The following SESN1 variants were observed in gnomAD, a reference collection of about 807,000 sequenced individuals.
SESN1 encodes the protein sestrin-1.
In SESN1, 30 loss-of-function variants were observed where a neutral mutation model predicts 59.3. The observed-to-expected ratio is 0.51, with a 90% CI of 0.38 to 0.69. The LOEUF is 0.69. Ranked by LOEUF, SESN1 falls within the 30% of genes least tolerant of loss-of-function variation. The probability of loss-of-function intolerance (pLI) is 0.00; values close to 1 mark genes in which losing one functional copy is unlikely to be tolerated. For synonymous variants in SESN1, 197 were observed against 219.9 expected, an observed-to-expected ratio of 0.90 and a Z score of 0.92; for missense variants, 566 against 673.0, an observed-to-expected ratio of 0.84 and a Z score of 1.76.
chr6:109,056,483 G>A (rs1277095852), intron 1 of SESN1, among the ~76,000 whole-genome samples: 2 of 152,164 alleles, frequency 1.3e-5, no homozygotes, highest in Admixed American at 6.5e-5. Context: ...TCTACGAACA[G>A]GCAATACAGG....
At chr6:109,064,340 C>T (rs942612604) in intron 1 of SESN1, among the ~76,000 whole-genome samples, 3 of 151,612 alleles carry the variant, frequency 2.0e-5, no homozygotes, top group African/African-American at 7.3e-5. Context: ...ACCTAGTCCA[C>T]ATATCAGGCT....
intron 1 of SESN1, among the ~76,000 whole-genome samples, chr6:109,020,644 A>G (rs953158061): frequency 6.6e-6 from 1 of 151,392 alleles, no homozygotes; most frequent in African/African-American, 2.4e-5. Context: ...TGGAGAGAAG[A>G]AGGTTTTCAG....
At chr6:109,024,501 C>T (rs947965448) in intron 1 of SESN1, among the ~76,000 whole-genome samples, 14 of 152,106 alleles carry the variant, frequency 9.2e-5, no homozygotes, top group African/African-American at 1.7e-4. Flanking sequence ...AAACTGACCT[C>T]GATATTAGTG....
intron 1 of SESN1, among the ~76,000 whole-genome samples, chr6:109,055,303 G>C (rs1780610811): frequency 6.6e-6 from 1 of 152,010 alleles, no homozygotes; most frequent in Non-Finnish European, 1.5e-5. Context: ...CTACTTTCTT[G>C]TTTTCAAGTT....
chr6:108,988,370 C>CT, intron 9 of SESN1, 173 bp downstream of exon 9: 1 of 522,368 alleles, frequency 1.9e-6, no homozygotes, highest in East Asian at 3.2e-5. Context: ...TTCTTTTACT[C>CT]TATCAACATA....
intron 1 of SESN1, among the ~76,000 whole-genome samples, chr6:109,060,493 T>G (rs1780713929): frequency 1.3e-5 from 2 of 152,166 alleles, no homozygotes; most frequent in South Asian, 4.1e-4. Context: ...TTCAGTACTG[T>G]GCAGTTTTAT....
intron 3 of SESN1, among the ~76,000 whole-genome samples, chr6:109,000,981 ATAT>A (rs1435805383): frequency 6.6e-6 from 1 of 152,164 alleles, no homozygotes; most frequent in Non-Finnish European, 1.5e-5. Context: ...AAATAATGGA[ATAT>A]TATTTACATC....
At position 108,985,735 on chromosome 6, in the gene SESN1, A is replaced by G. The variant is rs939081230; in HGVS notation, c.*1809T>C. Among the ~76,000 whole-genome samples the G allele has an allele frequency of 6.6e-6, 1 of 152,200 alleles. No homozygotes were observed. Among genetic ancestry groups the G allele is most frequent in the Non-Finnish European group, 1.5e-5 (1 of 68,036 alleles). The stretch of plus-strand genomic sequence containing the variant: ...TCAAGAGGAGGAACAAAGAGCAGAA[A>G]TGGGATAAGTAAAATTTTAACTATC... On this transcript the variant is annotated 3_prime_UTR_variant, in exon 10 of 10. Coordinates refer to ENST00000436639, the MANE Select transcript of SESN1 (RefSeq NM_014454.3).
At position 109,094,027 on chromosome 6, in the gene SESN1, C is replaced by G; in HGVS notation, c.47G>C (p.Arg16Thr). ...NEVRWDGLCSRDSTTRETALE... is the reference protein window; with the variant it reads ...NEVRWDGLCSTDSTTRETALE... ...TGCTGTCTCCCTAGTAGTTGAATCT[C>G]TGCTGCAGAGTCCATCCCATCTCAC... Residue 16 changes from arginine (R) to threonine (T), a missense_variant, in exon 1 of 10, where the codon AGA becomes ACA. Coordinates refer to ENST00000436639, the MANE Select transcript of SESN1 (RefSeq NM_014454.3). The G allele has an allele frequency of 1.2e-6, 2 of 1,614,220 alleles. No individual in the cohort carries two copies.
intron 1 of SESN1, among the ~76,000 whole-genome samples, chr6:109,051,660 G>A (rs2114442510): frequency 6.6e-6 from 1 of 152,240 alleles, no homozygotes; most frequent in East Asian, 1.9e-4. Flanking sequence ...TCATTAATGT[G>A]ACATTGTCTT....
At chr6:109,012,874 GGAGGCC>G (rs903077109) in intron 1 of SESN1, among the ~76,000 whole-genome samples, 1 of 152,122 alleles carries the variant, frequency 6.6e-6, no homozygotes, top group Non-Finnish European at 1.5e-5. Context: ...CAGCACTTTG[GGAGGCC>G]GAGGCAGGGC....
intron 1 of SESN1, among the ~76,000 whole-genome samples, chr6:109,053,882 T>G (rs192342593): frequency 5.6e-4 from 85 of 152,328 alleles, no homozygotes; most frequent in Admixed American, 1.7e-3. Context: ...TGAATACCCT[T>G]TAAGATAAAC....
chr6:109,058,162 G>A (rs1007798269), intron 1 of SESN1, among the ~76,000 whole-genome samples: 5 of 151,928 alleles, frequency 3.3e-5, no homozygotes, highest in African/African-American at 4.8e-5. Context: ...ACGGCTCACC[G>A]CAGCCTTGAC....
intron 1 of SESN1, among the ~76,000 whole-genome samples, chr6:109,056,875 C>T (rs1349774100): frequency 1.3e-5 from 2 of 152,090 alleles, no homozygotes; most frequent in South Asian, 2.1e-4. Flanking sequence ...TAGCTCACTT[C>T]CAAGATTAGG....
chr6:109,059,416 CAGCTCCTTGATTTCGAAA>C (rs1780693580), intron 1 of SESN1: 1 of 152,160 alleles, frequency 6.6e-6, no homozygotes, highest in Admixed American at 6.5e-5. Flanking sequence ...AAGCCTGGAA[CAGCTCCTTGATTTCGAAA>C]CATGGTCACT....
chr6:109,054,904 G>T (rs888669601), intron 1 of SESN1, among the ~76,000 whole-genome samples: 7 of 152,068 alleles, frequency 4.6e-5, no homozygotes, highest in Middle Eastern at 3.4e-3. Flanking sequence ...TTGCTTTTAC[G>T]CTTTAAAAGA....
intron 5 of SESN1, 129 bp downstream of exon 5, chr6:108,998,384 T>A: frequency 9.9e-7 from 1 of 1,013,416 alleles, no homozygotes; most frequent in Non-Finnish European, 1.4e-6. Flanking sequence ...ACTGAATGAA[T>A]AGATATAGGG....
chr6:108,987,600 T>C lies in SESN1; in HGVS notation c.1600A>G (p.Arg534Gly). ...VHVNLLLIEA[R>G]MQAELLYALR... ...GCATAAAGGAGTTCTGCTTGCATCC[T>C]AGCTTCTATAAGAAGCAGATTAACA... Residue 534 changes from arginine to glycine, a missense_variant, in exon 10 of 10, where the codon AGG (arginine) becomes GGG (glycine). By Grantham distance (125) the Arg-to-Gly change is moderately radical. Transcript: ENST00000436639. The C allele has an allele frequency of 6.2e-7, 1 of 1,602,612 alleles. No homozygotes were observed. The highest frequency in any genetic ancestry group is 8.5e-7 in the Non-Finnish European group (1 of 1,170,414).
chr6:109,078,810 G>A (rs1781071756), intron 1 of SESN1, among the ~76,000 whole-genome samples: 1 of 152,086 alleles, frequency 6.6e-6, no homozygotes, highest in Admixed American at 6.5e-5. Flanking sequence ...TAGGTGGAGA[G>A]GGAGGTCTGC....
Sources: allele counts gnomAD v4.1 joint callset (sites outside exome capture counted in the v4.1 genomes callset), GRCh38; gene constraint gnomAD v4.1.1; transcripts MANE v1.5; gene names NCBI Gene and HGNC (gene_info 2026-07-23, HGNC 2026-07-21).